PCDH9: variants seen among roughly 807,000 people sequenced by gnomAD.
PCDH9 encodes the protein protocadherin 9.
PCDH9 carries 24 observed loss-of-function variants against 70.6 expected under a neutral mutation model. The ratio of observed to expected loss-of-function variants is 0.34; its 90% CI spans 0.25 to 0.48. The LOEUF (loss-of-function observed/expected upper bound fraction) is 0.48. Among genes scored for constraint, PCDH9 ranks in the 20% least tolerant of loss-of-function variants. The pLI, the probability that PCDH9 is intolerant of heterozygous loss-of-function variation, is 0.99. For synonymous variants in PCDH9, 562 were observed against 558.5 expected (o/e 1.01, Z -0.09); for missense variants, 1,281 against 1,503.6 (o/e 0.85, Z 2.45).
intron 4 of PCDH9, among the ~76,000 whole-genome samples, chr13:66,412,839 G>A (rs1854535218): frequency 6.6e-6 from 1 of 152,142 alleles, no homozygotes; most frequent in South Asian, 2.1e-4. Flanking sequence ...GAGTGGACCG[G>A]AGGCTGAATG....
At chr13:66,810,900 A>G (rs1046586838) in intron 3 of PCDH9, among the ~76,000 whole-genome samples, 1 of 152,016 alleles carries the variant, frequency 6.6e-6, no homozygotes, top group Admixed American at 6.6e-5. Context: ...TCTTTTATGG[A>G]TGAAGAAACT....
chr13:66,598,416 T>G (rs2077128057), intron 4 of PCDH9, among the ~76,000 whole-genome samples: 1 of 151,846 alleles, frequency 6.6e-6, no homozygotes, highest in Non-Finnish European at 1.5e-5. Flanking sequence ...ATTGTAACAG[T>G]TTATATTTAA....
rs533672911 is a variant in PCDH9, at chr13:66,874,942, T to TGTGTGA, written c.3138+28561_3138+28562insTCACAC. ...GTGTGTGTGTGTGTGTGTGTGTGTG[T>TGTGTGA]GAGAGAGAGAGAGAGAGAGAGACAG... is the stretch of plus-strand genomic sequence containing the variant. On this transcript the variant is annotated intron_variant, in intron 3 of 4. Transcript: ENST00000377865. Among the ~76,000 whole-genome samples, 475 of 110,000 alleles carry TGTGTGA rather than the reference T, an allele frequency of 4.3e-3. 2 individuals carry two copies. The highest frequency in any genetic ancestry group is 6.8e-3 in the African/African-American group (249 of 36,806). 72.2% of individuals were successfully genotyped at this position (110,000 alleles called of 152,430 possible). A position where few individuals can be genotyped will look rare whatever the true frequency, so the allele number is the denominator to read the frequency against.
chr13:67,186,539 A>G (rs1221951370), intron 2 of PCDH9, among the ~76,000 whole-genome samples: 1 of 152,180 alleles, frequency 6.6e-6, no homozygotes, highest in Non-Finnish European at 1.5e-5. Flanking sequence ...CTTCTGGTTC[A>G]TGGGTAGACT....
At chr13:67,162,928 A>C (rs1438790715) in intron 2 of PCDH9, among the ~76,000 whole-genome samples, 1 of 152,232 alleles carries the variant, frequency 6.6e-6, no homozygotes, top group Non-Finnish European at 1.5e-5. Flanking sequence ...AGTTAACAAG[A>C]AAATATGGTG....
At chr13:66,674,178 A>G (rs1413832664) in intron 3 of PCDH9, among the ~76,000 whole-genome samples, 1 of 152,072 alleles carries the variant, frequency 6.6e-6, no homozygotes, top group Admixed American at 6.5e-5. Context: ...AGATAATATA[A>G]CATTTTAAAA....
At chr13:66,727,802 T>G (rs1190680680) in intron 3 of PCDH9, among the ~76,000 whole-genome samples, 1 of 152,096 alleles carries the variant, frequency 6.6e-6, no homozygotes, top group Non-Finnish European at 1.5e-5. Context: ...TGCCTATGTT[T>G]CATTTTTTCC....
At chr13:66,995,121 T>C (rs1175807511) in intron 2 of PCDH9, among the ~76,000 whole-genome samples, 5 of 152,212 alleles carry the variant, frequency 3.3e-5, no homozygotes, top group African/African-American at 9.6e-5. Context: ...ATGCTAAGCA[T>C]GTCATGGCAT....
chr13:66,587,010 C>T (rs956005473), intron 4 of PCDH9, among the ~76,000 whole-genome samples: 4 of 152,088 alleles, frequency 2.6e-5, no homozygotes, highest in South Asian at 2.1e-4. Context: ...ATTATCACTG[C>T]GAGTACGGCA....
chr13:66,761,806 A>T (rs2079632356), intron 3 of PCDH9, among the ~76,000 whole-genome samples: 1 of 142,982 alleles, frequency 7.0e-6, no homozygotes, highest in Admixed American at 7.3e-5. Flanking sequence ...GTTCTTGAAT[A>T]TTGGTGAGCT....
chr13:66,537,965 T>C (rs1960778354), intron 4 of PCDH9, among the ~76,000 whole-genome samples: 1 of 152,174 alleles, frequency 6.6e-6, no homozygotes, highest in South Asian at 2.1e-4. Flanking sequence ...TTTATCTTTT[T>C]ATGTTTTTAA....
intron 3 of PCDH9, among the ~76,000 whole-genome samples, chr13:66,845,463 G>A (rs1298284253): frequency 2.6e-5 from 4 of 152,242 alleles, no homozygotes; most frequent in African/African-American, 7.2e-5. Context: ...CTGAGCCCGT[G>A]TGGGCAGGGA....
At chr13:66,414,428 G>A (rs74862200) in intron 4 of PCDH9, among the ~76,000 whole-genome samples, 3,163 of 152,244 alleles carry the variant, frequency 0.021, 134 homozygotes, top group African/African-American at 0.073. Context: ...CTCCCTTTTG[G>A]ATAGGAAAGA....
chr13:66,390,224 G>C (rs564016799), intron 4 of PCDH9, among the ~76,000 whole-genome samples: 1 of 152,318 alleles, frequency 6.6e-6, no homozygotes, highest in Non-Finnish European at 1.5e-5. Context: ...TGAATGGCAA[G>C]CATGATAGAC....
chr13:67,067,030 C>T (rs976409924), intron 2 of PCDH9, among the ~76,000 whole-genome samples: 1 of 151,236 alleles, frequency 6.6e-6, no homozygotes, highest in Non-Finnish European at 1.5e-5. Context: ...TGATAAATGA[C>T]TAGGGCCTGG....
At chr13:66,935,468 G>C (rs544630312) in intron 2 of PCDH9, among the ~76,000 whole-genome samples, 3 of 152,178 alleles carry the variant, frequency 2.0e-5, no homozygotes, top group African/African-American at 7.2e-5. Context: ...AAATGTACTA[G>C]GTGTAACTTA....
intron 2 of PCDH9, among the ~76,000 whole-genome samples, chr13:66,932,930 TATAA>T (rs2082841092): frequency 6.6e-6 from 1 of 151,324 alleles, no homozygotes; most frequent in Non-Finnish European, 1.5e-5. Context: ...TACATAAATA[TATAA>T]ATATATTATG....
intron 2 of PCDH9, among the ~76,000 whole-genome samples, chr13:67,113,673 G>C (rs962400138): frequency 2.0e-5 from 3 of 151,834 alleles, no homozygotes; most frequent in African/African-American, 4.8e-5. Context: ...TCAGCCTCCC[G>C]AGTAGCTGGG....
At chr13:66,469,345 T>C (rs1594029771) in intron 4 of PCDH9, among the ~76,000 whole-genome samples, 1 of 151,808 alleles carries the variant, frequency 6.6e-6, no homozygotes, top group Non-Finnish European at 1.5e-5. Flanking sequence ...TAAAAATGTA[T>C]AGTCTGTCAA....
Sources: gnomAD v4.1 joint callset for allele counts (sites outside exome capture counted in the v4.1 genomes callset) on GRCh38, gnomAD v4.1.1 for gene constraint, MANE v1.5 for transcripts, NCBI Gene and HGNC (gene_info 2026-07-23, HGNC 2026-07-21) for gene names.